Variants in ZBTB20 observed in about 807,000 individuals in gnomAD.
ZBTB20 encodes zinc finger and BTB domain-containing protein 20.
A neutral mutation model predicts 56.9 loss-of-function variants in ZBTB20; 9 were observed. That is an observed-to-expected ratio of 0.16 (90% CI 0.10 to 0.28). The LOEUF (loss-of-function observed/expected upper bound fraction) is 0.28, where lower values mean the gene tolerates loss of function less well. Ranked by LOEUF, ZBTB20 falls within the 10% of genes least tolerant of loss-of-function variation. The pLI is 1.00. For synonymous variants in ZBTB20, 417 were observed against 420.7 expected (o/e 0.99, Z 0.11); for missense variants, 655 against 1,003.0 (o/e 0.65, Z 4.69).
intron 4 of ZBTB20, among the ~76,000 whole-genome samples, chr3:114,892,237 G>A (rs1202174292): frequency 6.6e-6 from 1 of 152,166 alleles, no homozygotes; most frequent in Admixed American, 6.6e-5. Context: ...TCTTGCTAAG[G>A]AAGTGTATTC....
intron 7 of ZBTB20, among the ~76,000 whole-genome samples, chr3:114,424,161 A>G (rs547483593): frequency 6.6e-6 from 1 of 152,342 alleles, no homozygotes; most frequent in Non-Finnish European, 1.5e-5. Context: ...TAATTCAGGG[A>G]CACATCTTTT....
At chr3:115,146,166 T>C (rs1412571775) in intron 1 of ZBTB20, among the ~76,000 whole-genome samples, 1 of 152,250 alleles carries the variant, frequency 6.6e-6, no homozygotes, top group East Asian at 1.9e-4. Flanking sequence ...GTCATCCTGC[T>C]ACTGACCTCA....
intron 6 of ZBTB20, among the ~76,000 whole-genome samples, chr3:114,596,502 T>A (rs923610491): frequency 1.3e-5 from 2 of 152,176 alleles, no homozygotes; most frequent in African/African-American, 4.8e-5. Context: ...TTGCCAGTTG[T>A]GAAAGGATTT....
chr3:114,615,997 T>C (rs568073178), intron 6 of ZBTB20, among the ~76,000 whole-genome samples: 1 of 152,172 alleles, frequency 6.6e-6, no homozygotes, highest in African/African-American at 2.4e-5. Context: ...GTATATGGAG[T>C]TTCACTAAAG....
intron 4 of ZBTB20, among the ~76,000 whole-genome samples, chr3:114,810,195 T>C (rs917931079): frequency 2.0e-5 from 3 of 152,222 alleles, no homozygotes; most frequent in African/African-American, 7.2e-5. Flanking sequence ...TCCAAAGCCT[T>C]AGGTCTTCCC....
chr3:114,664,604 A>AACACACAC (rs377253945), intron 6 of ZBTB20, among the ~76,000 whole-genome samples: 4 of 149,124 alleles, frequency 2.7e-5, no homozygotes, highest in African/African-American at 9.8e-5. Flanking sequence ...CCACCTCCCC[A>AACACACAC]ACACACACAC....
chr3:114,631,683 C>T (rs2107835713), intron 6 of ZBTB20, among the ~76,000 whole-genome samples: 1 of 151,922 alleles, frequency 6.6e-6, no homozygotes, highest in African/African-American at 2.4e-5. Flanking sequence ...GAGCCACGTG[C>T]CCAGCAAAAT....
chr3:114,383,193 G>A (rs1268876513), intron 8 of ZBTB20, among the ~76,000 whole-genome samples: 1 of 152,150 alleles, frequency 6.6e-6, no homozygotes, highest in Non-Finnish European at 1.5e-5. Context: ...GGCTAGGCTG[G>A]CCCTCATGAT....
At chr3:114,587,883 A>C (rs2055344022) in intron 6 of ZBTB20, among the ~76,000 whole-genome samples, 1 of 152,210 alleles carries the variant, frequency 6.6e-6, no homozygotes, top group South Asian at 2.1e-4. Flanking sequence ...TAGGCCTCTG[A>C]GAAAGCTGAG....
At chr3:115,075,869 T>C (rs1255513547) in intron 1 of ZBTB20, among the ~76,000 whole-genome samples, 1 of 152,068 alleles carries the variant, frequency 6.6e-6, no homozygotes, top group Non-Finnish European at 1.5e-5. Flanking sequence ...TGCTTTTATA[T>C]ACAGAAAATC....
chr3:114,466,981 C>A (rs989301284), intron 7 of ZBTB20, among the ~76,000 whole-genome samples: 5 of 152,142 alleles, frequency 3.3e-5, no homozygotes, highest in African/African-American at 1.2e-4. Flanking sequence ...CTGAAGCAGG[C>A]AGTGTTTGAG....
rs535806856 is a variant in ZBTB20 at position 114,662,418 on chromosome 3, C to T, written c.-295+31110G>A. ...GATTTATAGTCCTTTGGGTATATAC[C>T]CAGTAATGGGATGGCTGGGTCAAAT... On this transcript the variant is annotated intron_variant, in intron 6 of 11. Transcript: ENST00000675478. Among the ~76,000 whole-genome samples, 13 of 144,074 alleles carry T rather than the reference C, an allele frequency of 9.0e-5. No homozygotes were observed. The East Asian group carries it at 2.7e-3, about 29-fold the overall frequency. The allele number at this position is 144,074 out of a possible 152,430, so 94.5% of individuals were successfully genotyped here. A position where few individuals can be genotyped will look rare whatever the true frequency, so the allele number is the denominator to read the frequency against.
intron 5 of ZBTB20, among the ~76,000 whole-genome samples, chr3:114,790,451 T>C (rs925871650): frequency 2.0e-5 from 3 of 152,112 alleles, no homozygotes; most frequent in Admixed American, 1.3e-4. Context: ...ACCCTGAAAA[T>C]TATGGTCATT....
At chr3:114,991,156 C>T (rs140895814) in intron 2 of ZBTB20, among the ~76,000 whole-genome samples, 32 of 152,016 alleles carry the variant, frequency 2.1e-4, no homozygotes, top group African/African-American at 6.0e-4. Context: ...AGCTTTTGAA[C>T]GCTTTTGCTC....
In ZBTB20 at chr3:114,325,227, A is replaced by AG. The variant is rs1343954196; in HGVS notation, c.*13777dup. 1 of 152,180 alleles carries AG rather than the reference A, an allele frequency of 6.6e-6. No homozygotes were observed. The highest frequency in any genetic ancestry group is 1.5e-5 in the Non-Finnish European group (1 of 68,024). 9.4% of individuals were successfully genotyped at this position (152,180 alleles called of 1,614,324 possible). ...TTCAAATCAACGGGCCTAAAGAAGA[A>AG]GTTTAGCAGCTGAAAATACCTTTGA... On this transcript the variant is annotated 3_prime_UTR_variant, in exon 12 of 12. Coordinates refer to ENST00000675478, the MANE Select transcript of ZBTB20 (RefSeq NM_001348800.3).
intron 3 of ZBTB20, among the ~76,000 whole-genome samples, chr3:114,905,649 T>C (rs942539825): frequency 2.0e-5 from 3 of 151,884 alleles, no homozygotes; most frequent in African/African-American, 7.2e-5. Flanking sequence ...AGGAATCACA[T>C]TCGTAAACAA....
At chr3:114,552,489 AAAT>A (rs2050705673) in intron 6 of ZBTB20, among the ~76,000 whole-genome samples, 1 of 152,082 alleles carries the variant, frequency 6.6e-6, no homozygotes, top group Non-Finnish European at 1.5e-5. Context: ...AGAACCATTA[AAAT>A]AATAGAAAAG....
intron 1 of ZBTB20, among the ~76,000 whole-genome samples, chr3:115,099,969 C>T (rs1007898007): frequency 6.6e-6 from 1 of 151,760 alleles, no homozygotes; most frequent in East Asian, 1.9e-4. Context: ...AAGGGCACAC[C>T]CCTAAGTAAG....
chr3:115,021,134 T>A (rs2080186829), intron 2 of ZBTB20, among the ~76,000 whole-genome samples: 1 of 150,976 alleles, frequency 6.6e-6, no homozygotes. Context: ...GAGTCTTTCC[T>A]CATATTTTTG....
Sources: allele counts gnomAD v4.1 joint callset (sites outside exome capture counted in the v4.1 genomes callset), GRCh38; gene constraint gnomAD v4.1.1; transcripts MANE v1.5; gene names NCBI Gene and HGNC (gene_info 2026-07-23, HGNC 2026-07-21).